The following KLRB1 variants were observed in gnomAD, a reference collection of about 807,000 sequenced individuals.
The protein encoded by KLRB1 is killer cell lectin like receptor B1, also known as killer cell lectin-like receptor subfamily B member 1.
Under a neutral mutation model 33.5 loss-of-function variants are expected in KLRB1, and 27 were observed. The ratio of observed to expected loss-of-function variants is 0.81; its 90% confidence interval spans 0.59 to 1.11. The LOEUF (loss-of-function observed/expected upper bound fraction) is 1.11. KLRB1 is among the 50% of genes most tolerant of loss of function. The probability of loss-of-function intolerance (pLI) is 0.00; values close to 1 mark genes in which losing one functional copy is unlikely to be tolerated. For synonymous variants in KLRB1, 64 were observed against 88.9 expected (o/e 0.72, Z 1.58); for missense variants, 241 against 254.1 (o/e 0.95, Z 0.35).
intron 1 of KLRB1, among the ~76,000 whole-genome samples, chr12:9,603,153 AG>A (rs1864562669): frequency 6.6e-6 from 1 of 152,186 alleles, no homozygotes; most frequent in Non-Finnish European, 1.5e-5. Flanking sequence ...GGAGACTCCA[AG>A]GCCCCAGGGA....
chr12:9,607,355 C>CTTTCTTCCTTTCTTT (rs1555097796), intron 1 of KLRB1, among the ~76,000 whole-genome samples: 1 of 52,706 alleles, frequency 1.9e-5, no homozygotes, highest in Non-Finnish European at 4.4e-5. Context: ...TTTCTTTCTT[C>CTTTCTTCCTTTCTTT]CTTTCTTTCT....
At chr12:9,607,106 T>A (rs75158576) in intron 1 of KLRB1, among the ~76,000 whole-genome samples, 8,361 of 152,112 alleles carry the variant, frequency 0.055, 750 homozygotes, top group African/African-American at 0.19. Flanking sequence ...TGGGACTTAA[T>A]CATAGTATTG....
intron 5 of KLRB1, among the ~76,000 whole-genome samples, chr12:9,597,148 A>G (rs766639059): frequency 3.9e-5 from 6 of 152,196 alleles, no homozygotes; most frequent in Non-Finnish European, 7.4e-5. Context: ...AGACAAACTT[A>G]AAACATTCTC....
At chr12:9,603,075 T>C (rs905530852) in intron 1 of KLRB1, among the ~76,000 whole-genome samples, 27 of 152,132 alleles carry the variant, frequency 1.8e-4, no homozygotes, top group Admixed American at 1.1e-3. Flanking sequence ...AACATATGGA[T>C]TATCGTCTGG....
intron 2 of KLRB1, among the ~76,000 whole-genome samples, chr12:9,600,676 G>C (rs1297763981): frequency 6.6e-6 from 1 of 152,156 alleles, no homozygotes; most frequent in Admixed American, 6.6e-5. Flanking sequence ...GATGTGCTTT[G>C]TTAAACAGAT....
At chr12:9,600,308 A>G (rs901556875) in intron 2 of KLRB1, among the ~76,000 whole-genome samples, 1 of 152,150 alleles carries the variant, frequency 6.6e-6, no homozygotes, top group South Asian at 2.1e-4. Flanking sequence ...TGGGCCACAT[A>G]TATAATACCC....
At chr12:9,597,935 C>T (rs879449425) in intron 5 of KLRB1, 111 bp downstream of exon 5, 1 of 624,626 alleles carries the variant, frequency 1.6e-6, no homozygotes, top group Non-Finnish European at 2.8e-6. Context: ...TTCAGAACTT[C>T]TTGAGTTTTT....
At chr12:9,607,487 A>C (rs1864635598) in intron 1 of KLRB1, among the ~76,000 whole-genome samples, 1 of 150,986 alleles carries the variant, frequency 6.6e-6, no homozygotes, top group Admixed American at 6.6e-5. Flanking sequence ...AGGGTAGCCT[A>C]AAGTGTTCAG....
At chr12:9,600,650 A>T (rs776363143) in intron 2 of KLRB1, among the ~76,000 whole-genome samples, 1 of 152,218 alleles carries the variant, frequency 6.6e-6, no homozygotes. Context: ...AGTTGAATGG[A>T]TTAAGGGCGG....
chr12:9,601,492 C>CTGAA lies in KLRB1; in HGVS notation c.184+8_184+9insTTCA, dbSNP rs1864541262. The stretch of plus-strand genomic sequence containing the variant: ...AGTATTATGAAACAGATGATGGTGC[C>CTGAA]CCACTTACCTGAAACACTCAACCCA... On this transcript the variant is annotated intron_variant, in intron 2 of 5. Coordinates refer to ENST00000229402, the MANE Select transcript of KLRB1 (RefSeq NM_002258.3). 6.3e-7 allele frequency: 1 copy of CTGAA among 1,587,060 alleles called. No individual in the cohort carries two copies. The highest frequency in any genetic ancestry group is 1.7e-5 in the Admixed American group (1 of 59,942).
chr12:9,603,059 G>T (rs950002241), intron 1 of KLRB1, among the ~76,000 whole-genome samples: 1 of 152,166 alleles, frequency 6.6e-6, no homozygotes, highest in Admixed American at 6.5e-5. Context: ...CTGGGGTCAG[G>T]GTTGTAACAT....
At chr12:9,598,396 G>C (rs1009450789) in intron 4 of KLRB1, 103 bp downstream of exon 4, 1 of 1,018,160 alleles carries the variant, frequency 9.8e-7, no homozygotes, top group African/African-American at 1.6e-5. Flanking sequence ...TGAAGTCAAA[G>C]TCATCACTTC....
chr12:9,599,287 T>C (rs952859656), intron 3 of KLRB1, among the ~76,000 whole-genome samples: 1 of 152,214 alleles, frequency 6.6e-6, no homozygotes, highest in African/African-American at 2.4e-5. Context: ...CAGATCATAT[T>C]CCACTATAGT....
At chr12:9,605,770 A>G (rs1290360126) in intron 1 of KLRB1, among the ~76,000 whole-genome samples, 2 of 152,196 alleles carry the variant, frequency 1.3e-5, no homozygotes, top group Non-Finnish European at 2.9e-5. Context: ...CCAGTGTTCT[A>G]TAGTCACATA....
intron 1 of KLRB1, among the ~76,000 whole-genome samples, chr12:9,605,324 A>G (rs1864587530): frequency 6.6e-6 from 1 of 152,252 alleles, no homozygotes; most frequent in Admixed American, 6.5e-5. Context: ...TTATAGCAGC[A>G]TGATTTATTA....
At chr12:9,604,242 G>A (rs1279300792) in intron 1 of KLRB1, among the ~76,000 whole-genome samples, 1 of 152,048 alleles carries the variant, frequency 6.6e-6, no homozygotes, top group Non-Finnish European at 1.5e-5. Context: ...CCTACCTATG[G>A]CTGTTCTCCA....
chr12:9,603,756 A>AG (rs1298936482), intron 1 of KLRB1, among the ~76,000 whole-genome samples: 1 of 152,016 alleles, frequency 6.6e-6, no homozygotes, highest in Non-Finnish European at 1.5e-5. Flanking sequence ...ACTAACATGA[A>AG]TTTAGTAATT....
chr12:9,607,501 CTT>C (rs1169389585), intron 1 of KLRB1, among the ~76,000 whole-genome samples: 2 of 151,326 alleles, frequency 1.3e-5, no homozygotes, highest in Admixed American at 6.6e-5. Flanking sequence ...TGTTCAGAGT[CTT>C]TTAACCAAGG....
intron 2 of KLRB1, 132 bp from the exon 3 acceptor site, chr12:9,599,973 G>T: frequency 2.3e-6 from 1 of 438,716 alleles, no homozygotes. Context: ...AAGTATTAGC[G>T]AAGTGGTAAA....
Sources: gnomAD v4.1 joint callset for allele counts (sites outside exome capture counted in the v4.1 genomes callset) on GRCh38, gnomAD v4.1.1 for gene constraint, MANE v1.5 for transcripts, NCBI Gene and HGNC (gene_info 2026-07-23, HGNC 2026-07-21) for gene names.